The following NEDD4 variants were observed in gnomAD, a reference collection of about 807,000 sequenced individuals.
NEDD4 encodes E3 ubiquitin-protein ligase NEDD4.
A neutral mutation model predicts 144.9 loss-of-function variants in NEDD4; 99 were observed. The ratio of observed to expected loss-of-function variants is 0.68; its 90% CI spans 0.58 to 0.81. NEDD4 has a LOEUF of 0.81. NEDD4 is among the 30% of genes least tolerant of loss of function. NEDD4 has a pLI of 0.00. For missense variants in NEDD4, 985 were observed against 1,065.9 expected (o/e 0.92, Z 1.06); for synonymous variants, 318 against 350.6 (o/e 0.91, Z 1.04).
At chr15:55,984,243 T>C (rs1177228853) in intron 1 of NEDD4, among the ~76,000 whole-genome samples, 1 of 152,216 alleles carries the variant, frequency 6.6e-6, no homozygotes, top group Non-Finnish European at 1.5e-5. Flanking sequence ...AAAAAGTCTC[T>C]TCTGTTAAAT....
At chr15:55,857,963 T>C (rs1595757469) in intron 11 of NEDD4, among the ~76,000 whole-genome samples, 1 of 152,070 alleles carries the variant, frequency 6.6e-6, no homozygotes, top group African/African-American at 2.4e-5. Flanking sequence ...GTACAAACAA[T>C]ATATATCCTG....
At position 55,941,125 on chromosome 15, in the gene NEDD4, T is replaced by G. The variant is rs546014207; in HGVS notation, c.237+10251A>C. On this transcript the variant is annotated intron_variant, in intron 4 of 28. Transcript: ENST00000435532. The stretch of plus-strand genomic sequence containing the variant: ...TGGTCATCTGAGTACTCTCTCTGTC[T>G]CTCTCATATAAGGCCAGCTGTTGTA... Among the ~76,000 whole-genome samples the G allele has an allele frequency of 6.6e-4, 101 of 152,216 alleles. 2 individuals are homozygous for G. The East Asian group carries it at 8.5e-3, about 13-fold the overall frequency.
intron 2 of NEDD4, among the ~76,000 whole-genome samples, chr15:55,964,389 G>A (rs572623285): frequency 6.6e-6 from 1 of 152,018 alleles, no homozygotes; most frequent in African/African-American, 2.4e-5. Context: ...TTTAAGTTCA[G>A]TTAATCTTTC....
chr15:55,842,506 A>G (rs968995409), intron 18 of NEDD4, among the ~76,000 whole-genome samples: 4 of 152,004 alleles, frequency 2.6e-5, no homozygotes, highest in African/African-American at 9.7e-5. Context: ...CTTGCTTCCG[A>G]TTCCTAAGTA....
At chr15:55,972,431 T>C (rs1312767660) in intron 1 of NEDD4, among the ~76,000 whole-genome samples, 1 of 152,212 alleles carries the variant, frequency 6.6e-6, no homozygotes, top group Non-Finnish European at 1.5e-5. Flanking sequence ...TGTTTGTTTT[T>C]GCAATCAGAG....
chr15:55,914,284 T>A (rs1276941594), intron 5 of NEDD4, among the ~76,000 whole-genome samples: 1 of 151,808 alleles, frequency 6.6e-6, no homozygotes, highest in East Asian at 1.9e-4. Flanking sequence ...AAAACTATGA[T>A]GTACTGTCAT....
intron 2 of NEDD4, among the ~76,000 whole-genome samples, chr15:55,963,171 G>A (rs2037454634): frequency 7.0e-6 from 1 of 141,884 alleles, no homozygotes; most frequent in Admixed American, 7.5e-5. Context: ...TCACTCTGTC[G>A]CCTAGGCTGG....
At chr15:55,938,824 T>A (rs1259411833) in intron 4 of NEDD4, among the ~76,000 whole-genome samples, 2 of 150,342 alleles carry the variant, frequency 1.3e-5, no homozygotes, top group African/African-American at 2.4e-5. Context: ...TAAAATAAAC[T>A]CCCAGGCACA....
intron 8 of NEDD4, among the ~76,000 whole-genome samples, chr15:55,868,056 C>CAA (rs201455596): frequency 0.023 from 2,551 of 109,172 alleles, 75 homozygotes; most frequent in African/African-American, 0.08. Flanking sequence ...ACTCTGACTC[C>CAA]AAAAAAAAAA....
intron 24 of NEDD4, among the ~76,000 whole-genome samples, chr15:55,835,659 G>A (rs1449576158): frequency 6.6e-6 from 1 of 152,000 alleles, no homozygotes; most frequent in Non-Finnish European, 1.5e-5. Flanking sequence ...CCATTCAAAT[G>A]CACATGCAGC....
intron 4 of NEDD4, among the ~76,000 whole-genome samples, chr15:55,941,712 C>G (rs750232895): frequency 3.3e-5 from 5 of 152,036 alleles, no homozygotes; most frequent in Non-Finnish European, 5.9e-5. Context: ...TACAGGTGCG[C>G]ACCATCACAC....
chr15:55,858,839 GT>G (rs2034294631), intron 11 of NEDD4, among the ~76,000 whole-genome samples: 1 of 152,232 alleles, frequency 6.6e-6, no homozygotes, highest in African/African-American at 2.4e-5. Context: ...AATACTGGCT[GT>G]GGGCCATATG....
At chr15:55,839,973 CAAAAAAAAAA>C (rs1157411288) in intron 21 of NEDD4, among the ~76,000 whole-genome samples, 7 of 12,104 alleles carry the variant, frequency 5.8e-4, no homozygotes, top group African/African-American at 8.4e-4. Context: ...CACTCTGTCT[CAAAAAAAAAA>C]AAAAAAAAAA....
intron 1 of NEDD4, among the ~76,000 whole-genome samples, chr15:55,977,794 C>T (rs57465039): frequency 0.13 from 19,929 of 151,440 alleles, 1,425 homozygotes; most frequent in East Asian, 0.32. Context: ...ACTGAATAAA[C>T]AGGCCAACTG....
Position 55,834,051 on chromosome 15 carries a change from T to C in NEDD4, c.2417A>G (p.Gln806Arg), listed in dbSNP as rs953960767. 3 of 1,611,842 alleles carry C rather than the reference T, an allele frequency of 1.9e-6. No homozygotes were observed. Among genetic ancestry groups the C allele is most frequent in the Non-Finnish European group, 2.5e-6 (3 of 1,179,302 alleles). The part of the protein sequence containing the change: ...NGYSANHQVI[Q>R]WFWKAVLMMD... ...GTTTCAAATTACCTTCCAAAACCACTGTATAACCTGATGATTTGCACTGTA... is the reference window on the plus strand; with the variant it reads ...GTTTCAAATTACCTTCCAAAACCACCGTATAACCTGATGATTTGCACTGTA... Residue 806 changes from glutamine (Q) to arginine (R), a missense_variant, in exon 26 of 29, where the codon CAG becomes CGG. Transcript: ENST00000435532.
At chr15:55,992,508 T>C (rs2038003756) in intron 1 of NEDD4, among the ~76,000 whole-genome samples, 1 of 152,246 alleles carries the variant, frequency 6.6e-6, no homozygotes, top group African/African-American at 2.4e-5. Flanking sequence ...TTCAGTTAAC[T>C]GGGTCTCATC....
chr15:55,964,015 T>C (rs1317586097), intron 2 of NEDD4, among the ~76,000 whole-genome samples: 1 of 152,152 alleles, frequency 6.6e-6, no homozygotes, highest in African/African-American at 2.4e-5. Context: ...AGTGTCATAT[T>C]TTTCTCTTTT....
At chr15:55,924,317 C>A in intron 5 of NEDD4, 1 of 226,190 alleles carries the variant, frequency 4.4e-6, no homozygotes, top group Non-Finnish European at 8.9e-6. Flanking sequence ...ATTCCCAGAG[C>A]CATGGAGTAG....
chr15:55,858,532 T>C (rs1205301548), intron 11 of NEDD4, among the ~76,000 whole-genome samples: 1 of 152,150 alleles, frequency 6.6e-6, no homozygotes, highest in African/African-American at 2.4e-5. Flanking sequence ...GGTCTTGAAC[T>C]CCTGACTTCA....
Sources: gnomAD v4.1 joint callset for allele counts (sites outside exome capture counted in the v4.1 genomes callset) on GRCh38, gnomAD v4.1.1 for gene constraint, MANE v1.5 for transcripts, NCBI Gene and HGNC (gene_info 2026-07-23, HGNC 2026-07-21) for gene names.